The following USP24 variants were observed in gnomAD, a reference collection of about 807,000 sequenced individuals.
USP24 encodes the protein ubiquitin specific peptidase 24, also known as ubiquitin carboxyl-terminal hydrolase 24.
In USP24, 97 loss-of-function variants were observed where a neutral mutation model predicts 361.6. That is an observed-to-expected ratio of 0.27 (90% CI 0.23 to 0.32). The LOEUF is 0.32. Ranked by LOEUF, USP24 falls within the 10% of genes least tolerant of loss-of-function variation. The pLI, the probability that USP24 is intolerant of heterozygous loss-of-function variation, is 1.00. For missense variants in USP24, 2,353 were observed against 3,165.6 expected (o/e 0.74, Z 6.16); for synonymous variants, 1,098 against 1,124.6 (o/e 0.98, Z 0.47).
intron 1 of USP24, among the ~76,000 whole-genome samples, chr1:55,199,610 T>A (rs1280524803): frequency 4.8e-5 from 7 of 146,758 alleles, no homozygotes; most frequent in African/African-American, 1.9e-4. Context: ...TGTGTGTGTG[T>A]GTGTGTGTGT....
intron 1 of USP24, among the ~76,000 whole-genome samples, chr1:55,191,493 T>G (rs80048091): frequency 0.21 from 15,832 of 74,206 alleles, 1,079 homozygotes; most frequent in Non-Finnish European, 0.34. Context: ...TATGGCACTT[T>G]CTTTTTTTTT....
chr1:55,184,847 C>T (rs1010946706), intron 1 of USP24, among the ~76,000 whole-genome samples: 2 of 152,084 alleles, frequency 1.3e-5, no homozygotes, highest in African/African-American at 4.8e-5. Flanking sequence ...CAAGAAATCA[C>T]AAGATAGGTA....
intron 24 of USP24, among the ~76,000 whole-genome samples, chr1:55,140,253 G>T (rs955842509): frequency 2.0e-5 from 3 of 152,104 alleles, no homozygotes; most frequent in Admixed American, 2.0e-4. Flanking sequence ...ATTTAAAGAA[G>T]TAGGAGTTTG....
At chr1:55,146,655 G>C (rs1306970497) in intron 19 of USP24, among the ~76,000 whole-genome samples, 1 of 152,022 alleles carries the variant, frequency 6.6e-6, no homozygotes, top group Non-Finnish European at 1.5e-5. Flanking sequence ...TCATATGGAA[G>C]GGAAAAAACT....
intron 55 of USP24, among the ~76,000 whole-genome samples, chr1:55,088,326 C>T (rs934579746): frequency 2.0e-5 from 3 of 152,136 alleles, no homozygotes; most frequent in African/African-American, 4.8e-5. Context: ...AAGAGACTTG[C>T]GTTTCTGAAT....
intron 1 of USP24, among the ~76,000 whole-genome samples, chr1:55,199,874 A>G (rs1644524503): frequency 1.3e-5 from 2 of 152,212 alleles, no homozygotes; most frequent in Non-Finnish European, 2.9e-5. Context: ...TTGGACTTAC[A>G]GTTCCACGTG....
Position 55,103,858 on chromosome 1 carries a change from A to G in USP24, c.5025+18T>C. 6.2e-6 allele frequency: 10 copies of G among 1,600,370 alleles called. No individual in the cohort carries two copies. The highest frequency in any genetic ancestry group is 7.7e-6 in the Non-Finnish European group (9 of 1,174,516). Reference sequence around the variant, plus strand: ...TCATTCTAAAAAAATTAAGTTCATCAACGTCTAGAAAACCTACATCAAACT... The same window carrying G: ...TCATTCTAAAAAAATTAAGTTCATCGACGTCTAGAAAACCTACATCAAACT... On this transcript the variant is annotated intron_variant, in intron 42 of 67. Coordinates refer to ENST00000294383, the MANE Select transcript of USP24 (RefSeq NM_015306.3).
chr1:55,075,424 T>C (rs765114268), intron 63 of USP24, 33 bp downstream of exon 63: 35 of 1,557,356 alleles, frequency 2.2e-5, no homozygotes, highest in African/African-American at 6.8e-5. Flanking sequence ...ATATTTACTA[T>C]AGACATTTGT....
intron 62 of USP24, among the ~76,000 whole-genome samples, chr1:55,076,003 C>T (rs61769524): frequency 0.01 from 1,560 of 152,008 alleles, 69 homozygotes; most frequent in Admixed American, 0.078. Context: ...CCAATACAAA[C>T]AAATATTACA....
At chr1:55,115,144 T>C (rs142200785) in intron 38 of USP24, among the ~76,000 whole-genome samples, 1 of 152,086 alleles carries the variant, frequency 6.6e-6, no homozygotes, top group African/African-American at 2.4e-5. Flanking sequence ...AAAAAGCTCA[T>C]GATCACTGCA....
chr1:55,138,503 A>G, intron 26 of USP24, 105 bp downstream of exon 26: 3 of 771,156 alleles, frequency 3.9e-6, no homozygotes, highest in Non-Finnish European at 6.1e-6. Context: ...TTTGTTTACC[A>G]AACTACCTTT....
intron 38 of USP24, among the ~76,000 whole-genome samples, chr1:55,112,044 TAAAA>T (rs1645970522): frequency 6.6e-6 from 1 of 151,972 alleles, no homozygotes. Flanking sequence ...ACAGAGGTAT[TAAAA>T]AAAGTCAAGA....
chr1:55,088,939 A>C (rs1376117989), intron 55 of USP24, among the ~76,000 whole-genome samples: 3 of 149,858 alleles, frequency 2.0e-5, no homozygotes, highest in Non-Finnish European at 4.4e-5. Context: ...TTTTGAGTGG[A>C]GTCTCGCTCT....
chr1:55,190,629 CT>C (rs1372158153), intron 1 of USP24, among the ~76,000 whole-genome samples: 5 of 152,170 alleles, frequency 3.3e-5, no homozygotes, highest in African/African-American at 1.2e-4. Flanking sequence ...TTAATGGTCA[CT>C]GATTATAAAT....
At chr1:55,085,511 T>C (rs151249950) in intron 56 of USP24, among the ~76,000 whole-genome samples, 76 of 152,354 alleles carry the variant, frequency 5.0e-4, no homozygotes, top group African/African-American at 1.7e-3. Flanking sequence ...CCTGGATGAA[T>C]AGCACTATTT....
intron 1 of USP24, among the ~76,000 whole-genome samples, chr1:55,208,222 T>A (rs1281122342): frequency 2.0e-5 from 3 of 152,162 alleles, no homozygotes; most frequent in Non-Finnish European, 4.4e-5. Context: ...CTACCAATGG[T>A]GGGAGCCAGG....
intron 2 of USP24, 104 bp from the exon 3 acceptor site, chr1:55,176,547 G>A (rs1385617740): frequency 7.6e-6 from 8 of 1,054,460 alleles, no homozygotes; most frequent in Admixed American, 2.4e-5. Flanking sequence ...TTGGTAGTTC[G>A]TAAAAATCAT....
At chr1:55,209,596 G>A (rs1040856007) in intron 1 of USP24, among the ~76,000 whole-genome samples, 6 of 152,184 alleles carry the variant, frequency 3.9e-5, no homozygotes, top group African/African-American at 1.4e-4. Flanking sequence ...AATTTGATAG[G>A]AAACCTAATA....
chr1:55,194,082 A>T (rs1422736384), intron 1 of USP24, among the ~76,000 whole-genome samples: 3 of 152,194 alleles, frequency 2.0e-5, no homozygotes, highest in Non-Finnish European at 4.4e-5. Flanking sequence ...AATGCACCCC[A>T]AGCCAAGAAT....
Sources: gnomAD v4.1 joint callset for allele counts (sites outside exome capture counted in the v4.1 genomes callset) on GRCh38, gnomAD v4.1.1 for gene constraint, MANE v1.5 for transcripts, NCBI Gene and HGNC (gene_info 2026-07-23, HGNC 2026-07-21) for gene names.